The following PPEF1 variants were observed in gnomAD, a reference collection of about 807,000 sequenced individuals.
The protein encoded by PPEF1 is protein phosphatase with EF-hand domain 1.
PPEF1 carries 12 observed loss-of-function variants against 53.3 expected under a neutral mutation model. That is an observed-to-expected ratio of 0.23 (90% CI 0.14 to 0.36). The LOEUF is 0.36. PPEF1 is among the 10% of genes least tolerant of loss of function. The probability of loss-of-function intolerance (pLI) is 1.00; values close to 1 mark genes in which losing one functional copy is unlikely to be tolerated. For synonymous variants in PPEF1, 165 were observed against 176.7 expected (o/e 0.93, Z 0.52); for missense variants, 334 against 490.4 (o/e 0.68, Z 3.01).
At chrX:18,734,218 G>A (rs1331868182) in intron 3 of PPEF1, among the ~76,000 whole-genome samples, 1 of 108,206 alleles carries the variant, frequency 9.2e-6, no homozygotes, top group Non-Finnish European at 1.9e-5. Flanking sequence ...CCATGTTGGT[G>A]TGCTGCACCC....
chrX:18,767,841 G>A (rs2045807668), intron 6 of PPEF1, among the ~76,000 whole-genome samples: 1 of 110,921 alleles, frequency 9.0e-6, no homozygotes, highest in Non-Finnish European at 1.9e-5. Context: ...GAGGGGGTTG[G>A]GGGGTGATGG....
intron 7 of PPEF1, among the ~76,000 whole-genome samples, chrX:18,780,998 G>A (rs1437822085): frequency 9.6e-6 from 1 of 104,463 alleles, no homozygotes; most frequent in Non-Finnish European, 1.9e-5. Context: ...AGAGCTTGCA[G>A]TGAGCTGAGA....
intron 10 of PPEF1, among the ~76,000 whole-genome samples, chrX:18,793,605 A>G (rs1016391887): frequency 2.7e-5 from 3 of 110,882 alleles, no homozygotes; most frequent in Non-Finnish European, 5.7e-5. Context: ...GAACATATTT[A>G]TAATAGTTGC....
intron 10 of PPEF1, among the ~76,000 whole-genome samples, chrX:18,789,820 T>G: frequency 8.9e-6 from 1 of 112,424 alleles, no homozygotes; most frequent in East Asian, 2.8e-4. Context: ...GATATACACA[T>G]TGTATTTATT....
intron 10 of PPEF1, among the ~76,000 whole-genome samples, chrX:18,797,480 T>A (rs903386921): frequency 1.8e-5 from 2 of 111,042 alleles, no homozygotes; most frequent in African/African-American, 6.5e-5. Flanking sequence ...TAATTTTAAT[T>A]ATTTATAGTC....
At chrX:18,746,502 G>A (rs2045332389) in intron 3 of PPEF1, among the ~76,000 whole-genome samples, 1 of 111,110 alleles carries the variant, frequency 9.0e-6, no homozygotes, top group African/African-American at 3.3e-5. Context: ...TGGAAGGGAC[G>A]GTAGACCAAG....
rs187991232 is a variant in PPEF1, at chrX:18,805,135, C to T, written c.1251+1058C>T. On this transcript the variant is annotated intron_variant, in intron 11 of 15. Coordinates refer to ENST00000470157, the MANE Select transcript of PPEF1 (RefSeq NM_001377996.1). ...CCGAGAAGCTGGGATTACAGGCGCC[C>T]GCCACTACGTCCAGCTAATTTTTGA... is the stretch of plus-strand genomic sequence containing the variant. Among the ~76,000 whole-genome samples, 489 of 109,087 alleles carry T rather than the reference C, an allele frequency of 4.5e-3. 3 individuals carry two copies. Among genetic ancestry groups the T allele is most frequent in the African/African-American group, 0.016 (468 of 30,011 alleles). 94.7% of individuals were successfully genotyped at this position (109,087 alleles called of 115,157 possible). A position where few individuals can be genotyped will look rare whatever the true frequency, so the allele number is the denominator to read the frequency against.
intron 3 of PPEF1, among the ~76,000 whole-genome samples, chrX:18,735,245 G>A (rs2044946810): frequency 1.8e-5 from 2 of 111,520 alleles, no homozygotes; most frequent in South Asian, 7.6e-4. Context: ...TTCTTCTAGG[G>A]TTTTTATGGT....
Position 18,826,417 on chromosome X carries a change from C to CTTTTTT in PPEF1, c.1750+605_1750+610dup, listed in dbSNP as rs58697941. Among the ~76,000 whole-genome samples the CTTTTTT allele has an allele frequency of 1.5e-3, 38 of 24,625 alleles. 8 individuals are homozygous for CTTTTTT. The highest frequency in any genetic ancestry group is 7.0e-3 in the African/African-American group (34 of 4,823). 21.4% of individuals were successfully genotyped at this position (24,625 alleles called of 115,157 possible). The stretch of plus-strand genomic sequence containing the variant: ...AAGGGCTATGAAAAGTCATTTTCTG[C>CTTTTTT]TTTTTTTTTTTTTTTTTTTTTTTTT... On this transcript the variant is annotated intron_variant, in intron 15 of 15. Coordinates refer to ENST00000470157, the MANE Select transcript of PPEF1 (RefSeq NM_001377996.1).
At chrX:18,702,843 A>C (rs111353208), upstream of PPEF1, among the ~76,000 whole-genome samples, 18 of 110,782 alleles carry the variant, frequency 1.6e-4, no homozygotes, top group Non-Finnish European at 3.2e-4. Flanking sequence ...GGACAGCAGC[A>C]ATGGGCAAGT....
At chrX:18,812,963 C>T (rs886987963) in intron 12 of PPEF1, among the ~76,000 whole-genome samples, 11 of 111,253 alleles carry the variant, frequency 9.9e-5, no homozygotes, top group African/African-American at 3.6e-4. Flanking sequence ...GGGTCTCGAA[C>T]TCCTGGGCTC....
chrX:18,784,015 C>T lies in PPEF1; in HGVS notation c.879C>T (p.Asp293=), dbSNP rs1253918378. The T allele has an allele frequency of 8.3e-7, 1 of 1,207,683 alleles. No homozygotes were observed. The highest frequency in any genetic ancestry group is 2.2e-5 in the Admixed American group (1 of 45,398). Residue 293 remains aspartate, a synonymous_variant, in exon 9 of 16, where the codon GAC becomes GAT. Transcript: ENST00000470157. Reference sequence around the variant, plus strand: ...ATGGTGGGATATCAGAGACCACAGACTTGAATTTACTCCACCGTGTAGAGA... The same window carrying T: ...ATGGTGGGATATCAGAGACCACAGATTTGAATTTACTCCACCGTGTAGAGA... ...VIHGGISETT[D]LNLLHRVERN... is the part of the protein sequence containing the mutation.
At chrX:18,688,122 T>A (rs1383327631) in intron 3 of PPEF1, among the ~76,000 whole-genome samples, 2 of 112,640 alleles carry the variant, frequency 1.8e-5, no homozygotes, top group Non-Finnish European at 3.7e-5. Flanking sequence ...CCTTTCTTAA[T>A]CTTCCTGTTC....
intron 1 of PPEF1, among the ~76,000 whole-genome samples, chrX:18,716,994 C>T (rs183150960): frequency 1.8e-5 from 2 of 109,338 alleles, no homozygotes; most frequent in Admixed American, 2.0e-4. Context: ...TCTGCCTCTC[C>T]TGCTCATTCC....
At chrX:18,811,587 GTATATA>G (rs59907227) in intron 12 of PPEF1, among the ~76,000 whole-genome samples, 510 of 43,831 alleles carry the variant, frequency 0.012, 3 homozygotes, top group Middle Eastern at 0.024. Context: ...CACTTATTCA[GTATATA>G]TATATATATA....
intron 1 of PPEF1, among the ~76,000 whole-genome samples, chrX:18,713,874 G>A (rs1275737979): frequency 9.0e-6 from 1 of 111,643 alleles, no homozygotes; most frequent in Non-Finnish European, 1.9e-5. Context: ...TAAATGCTTT[G>A]CAAACATCAT....
upstream of PPEF1, chrX:18,675,841 T>A (rs1454008868): frequency 9.1e-6 from 1 of 110,216 alleles, no homozygotes; most frequent in Non-Finnish European, 1.9e-5. Flanking sequence ...GGGTGATTCT[T>A]GTTTTTCATC....
chrX:18,680,429 C>CTCT (rs1928834930), upstream of PPEF1, among the ~76,000 whole-genome samples: 2 of 78,696 alleles, frequency 2.5e-5, no homozygotes, highest in South Asian at 7.0e-4. Context: ...AATTTCTTCT[C>CTCT]TTTTTTTTTT....
chrX:18,738,255 G>A, intron 3 of PPEF1, among the ~76,000 whole-genome samples: 1 of 111,750 alleles, frequency 8.9e-6, no homozygotes. Flanking sequence ...TTTTGCAGTG[G>A]CTGGTACCAG....
Sources: allele counts gnomAD v4.1 joint callset (sites outside exome capture counted in the v4.1 genomes callset), GRCh38; gene constraint gnomAD v4.1.1; transcripts MANE v1.5; gene names NCBI Gene and HGNC (gene_info 2026-07-23, HGNC 2026-07-21).